The following IMMP2L variants were observed in gnomAD, a reference collection of about 807,000 sequenced individuals.
The protein encoded by IMMP2L is inner mitochondrial membrane peptidase subunit 2.
IMMP2L carries 18 observed loss-of-function variants against 19.3 expected under a neutral mutation model. The observed-to-expected ratio is 0.93, with a 90% confidence interval of 0.64 to 1.38. The LOEUF (loss-of-function observed/expected upper bound fraction) is 1.38, where lower values mean the gene tolerates loss of function less well. IMMP2L is among the 40% of genes most tolerant of loss of function. The probability of loss-of-function intolerance (pLI) is 0.00; values close to 1 mark genes in which losing one functional copy is unlikely to be tolerated. For missense variants in IMMP2L, 233 were observed against 218.2 expected (o/e 1.07, Z -0.43); for synonymous variants, 76 against 73.0 (o/e 1.04, Z -0.21).
chr7:111,349,318 T>C (rs540099103), intron 3 of IMMP2L, among the ~76,000 whole-genome samples: 1 of 152,276 alleles, frequency 6.6e-6, no homozygotes, highest in South Asian at 2.1e-4. Flanking sequence ...ATGTTAGGCA[T>C]TGGGATGGTA....
intron 5 of IMMP2L, among the ~76,000 whole-genome samples, chr7:110,863,337 C>A (rs1313890467): frequency 2.0e-5 from 3 of 152,138 alleles, no homozygotes; most frequent in African/African-American, 7.2e-5. Flanking sequence ...GCAGCCCCCA[C>A]TGGGACATGT....
chr7:111,218,267 T>C (rs1812166104), intron 3 of IMMP2L, among the ~76,000 whole-genome samples: 1 of 152,206 alleles, frequency 6.6e-6, no homozygotes, highest in African/African-American at 2.4e-5. Context: ...TTTACAAGTC[T>C]TACCAATTTC....
At chr7:110,831,128 G>A (rs887353966) in intron 5 of IMMP2L, among the ~76,000 whole-genome samples, 1 of 152,100 alleles carries the variant, frequency 6.6e-6, no homozygotes, top group Non-Finnish European at 1.5e-5. Context: ...GTGGACTGGG[G>A]TCGTTCTCAG....
intron 3 of IMMP2L, among the ~76,000 whole-genome samples, chr7:110,977,147 C>A (rs151072107): frequency 6.6e-6 from 1 of 152,080 alleles, no homozygotes; most frequent in East Asian, 1.9e-4. Context: ...GTCATTAATT[C>A]ATTCAGCAAA....
At chr7:111,124,813 A>G (rs1184173448) in intron 3 of IMMP2L, 1 of 1,613,240 alleles carries the variant, frequency 6.2e-7, no homozygotes, top group African/African-American at 1.3e-5. Context: ...TCCTCCTCTG[A>G]TAAATCTCTG....
Position 111,561,880 on chromosome 7 carries a change from G to C in IMMP2L, c.-32C>G, listed in dbSNP as rs1792110792. ...TCTCCCGCTCTTCCTCGGTGAGAAGGGGTAAGTGGTTATTTTGTGCCCTCG... is the reference window on the plus strand; with the variant it reads ...TCTCCCGCTCTTCCTCGGTGAGAAGCGGTAAGTGGTTATTTTGTGCCCTCG... On this transcript the variant is annotated 5_prime_UTR_variant, in exon 1 of 6. Transcript: ENST00000405709. 6.6e-6 allele frequency: 1 copy of C among 152,642 alleles called. No individual in the cohort carries two copies. The highest frequency in any genetic ancestry group is 6.5e-5 in the Admixed American group (1 of 15,274). The allele number at this position is 152,642 out of a possible 1,614,324, so 9.5% of individuals were successfully genotyped here. A position where few individuals can be genotyped will look rare whatever the true frequency, so the allele number is the denominator to read the frequency against.
intron 3 of IMMP2L, among the ~76,000 whole-genome samples, chr7:111,267,349 C>G (rs1817942432): frequency 1.3e-5 from 2 of 151,982 alleles, no homozygotes; most frequent in South Asian, 4.2e-4. Flanking sequence ...TGTAAAATTA[C>G]TAAGATTTAT....
chr7:111,274,850 G>A (rs772115466), intron 3 of IMMP2L, among the ~76,000 whole-genome samples: 1 of 152,122 alleles, frequency 6.6e-6, no homozygotes, highest in Non-Finnish European at 1.5e-5. Context: ...AAGAGTAATA[G>A]TATAATGATT....
At chr7:110,815,596 T>C (rs988008923) in intron 5 of IMMP2L, among the ~76,000 whole-genome samples, 2 of 152,162 alleles carry the variant, frequency 1.3e-5, no homozygotes, top group Non-Finnish European at 2.9e-5. Flanking sequence ...CATCTGGTCC[T>C]GGACTTTTTT....
At chr7:111,349,065 T>C (rs1417686380) in intron 3 of IMMP2L, among the ~76,000 whole-genome samples, 1 of 152,164 alleles carries the variant, frequency 6.6e-6, no homozygotes, top group Non-Finnish European at 1.5e-5. Context: ...TTTCCAGACA[T>C]AGTTTTCCTG....
chr7:111,074,202 C>T (rs530202310), intron 3 of IMMP2L, among the ~76,000 whole-genome samples: 1 of 152,248 alleles, frequency 6.6e-6, no homozygotes, highest in Non-Finnish European at 1.5e-5. Context: ...CAAACTAATA[C>T]GTTAAATTGA....
At chr7:111,008,647 T>A (rs1824572587) in intron 3 of IMMP2L, among the ~76,000 whole-genome samples, 1 of 147,362 alleles carries the variant, frequency 6.8e-6, no homozygotes, top group African/African-American at 2.5e-5. Context: ...TGCCCCCTAT[T>A]AAAAAAAAAA....
chr7:111,556,374 C>T (rs1200250952), intron 1 of IMMP2L, among the ~76,000 whole-genome samples: 1 of 151,892 alleles, frequency 6.6e-6, no homozygotes, highest in Non-Finnish European at 1.5e-5. Flanking sequence ...ACTACAGTAA[C>T]CATTTTACTA....
chr7:111,359,582 G>T (rs946665747), intron 3 of IMMP2L, among the ~76,000 whole-genome samples: 1 of 151,952 alleles, frequency 6.6e-6, no homozygotes, highest in African/African-American at 2.4e-5. Flanking sequence ...AATTACAGAC[G>T]TAAGTCACCG....
intron 5 of IMMP2L, among the ~76,000 whole-genome samples, chr7:110,676,487 C>T (rs1038402577): frequency 6.6e-6 from 1 of 152,194 alleles, no homozygotes; most frequent in Non-Finnish European, 1.5e-5. Context: ...CTCACCTTTT[C>T]TATATTATAA....
intron 3 of IMMP2L, among the ~76,000 whole-genome samples, chr7:111,067,686 C>T (rs1794630145): frequency 6.6e-6 from 1 of 152,006 alleles, no homozygotes. Flanking sequence ...AAAACTGATG[C>T]TCAAAGAGAC....
chr7:111,008,982 T>C (rs1824615887), intron 3 of IMMP2L, among the ~76,000 whole-genome samples: 1 of 152,120 alleles, frequency 6.6e-6, no homozygotes, highest in African/African-American at 2.4e-5. Flanking sequence ...CTGACTAACT[T>C]ACATTGATTG....
intron 5 of IMMP2L, among the ~76,000 whole-genome samples, chr7:110,768,292 GGAAAAGAAAA>G (rs1798803331): frequency 1.4e-5 from 2 of 141,462 alleles, no homozygotes; most frequent in Non-Finnish European, 3.0e-5. Context: ...TTTGAGGAAG[GGAAAAGAAAA>G]GAAAGGAAAA....
intron 3 of IMMP2L, among the ~76,000 whole-genome samples, chr7:111,204,313 A>G (rs1344639854): frequency 6.6e-6 from 1 of 152,190 alleles, no homozygotes; most frequent in Non-Finnish European, 1.5e-5. Context: ...GTAAATTACA[A>G]TATGAACTAC....
Sources: allele counts gnomAD v4.1 joint callset (sites outside exome capture counted in the v4.1 genomes callset), GRCh38; gene constraint gnomAD v4.1.1; transcripts MANE v1.5; gene names NCBI Gene and HGNC (gene_info 2026-07-23, HGNC 2026-07-21).